Variants in LARS2 observed in about 807,000 individuals in gnomAD.
LARS2 encodes the protein leucyl-tRNA synthetase 2, mitochondrial.
LARS2 carries 81 observed loss-of-function variants against 116.6 expected under a neutral mutation model. The ratio of observed to expected loss-of-function variants is 0.69; its 90% CI spans 0.58 to 0.84. The LOEUF (loss-of-function observed/expected upper bound fraction) is 0.84. Ranked by LOEUF, LARS2 falls within the 40% of genes least tolerant of loss-of-function variation. LARS2 has a pLI of 0.00. For missense variants in LARS2, 968 were observed against 1,114.5 expected (o/e 0.87, Z 1.87); for synonymous variants, 396 against 407.2 (o/e 0.97, Z 0.33).
At position 45,507,979 on chromosome 3, in the gene LARS2, TGAAA is replaced by T. The variant is rs1700223974; in HGVS notation, c.1761-5153_1761-5150del. Among the ~76,000 whole-genome samples the T allele has an allele frequency of 1.3e-5, 2 of 152,036 alleles. 1 individual carries two copies. The highest frequency in any genetic ancestry group is 2.9e-5 in the Non-Finnish European group (2 of 67,964). ...CTCCTTCCGGTGGTTAGCACCAGGT[TGAAA>T]GAGAGGGGGCACATTAGAGCGTGGG... is the stretch of plus-strand genomic sequence containing the variant. On this transcript the variant is annotated intron_variant, in intron 15 of 21. Transcript: ENST00000645846.
At chr3:45,492,427 T>C (rs1699937000) in intron 13 of LARS2, among the ~76,000 whole-genome samples, 1 of 152,260 alleles carries the variant, frequency 6.6e-6, no homozygotes, top group South Asian at 2.1e-4. Context: ...CAAGTTCCAG[T>C]ATTTTCCTTC....
intron 6 of LARS2, 49 bp from the exon 7 acceptor site, chr3:45,446,842 G>A (rs765532461): frequency 9.1e-7 from 1 of 1,102,516 alleles, no homozygotes; most frequent in East Asian, 2.5e-5. Flanking sequence ...TGCATGGCTG[G>A]GGGGATGTTT....
chr3:45,540,436 C>G (rs572677002), intron 20 of LARS2, among the ~76,000 whole-genome samples: 9 of 152,160 alleles, frequency 5.9e-5, no homozygotes, highest in Non-Finnish European at 1.3e-4. Flanking sequence ...AATTGACTCC[C>G]TCTGTCACAA....
intron 19 of LARS2, among the ~76,000 whole-genome samples, chr3:45,522,294 G>A (rs1161032527): frequency 3.3e-5 from 5 of 152,132 alleles, no homozygotes; most frequent in East Asian, 1.9e-4. Context: ...ACAGAGACTC[G>A]GAACCCCAGT....
chr3:45,500,682 C>T, intron 15 of LARS2, 103 bp downstream of exon 15: 2 of 808,156 alleles, frequency 2.5e-6, no homozygotes, highest in Non-Finnish European at 3.8e-6. Context: ...TAGTAGAATA[C>T]TAGTTTTCTA....
intron 10 of LARS2, among the ~76,000 whole-genome samples, 186 bp downstream of exon 10, chr3:45,476,813 C>T (rs888974785): frequency 6.6e-6 from 1 of 152,094 alleles, no homozygotes; most frequent in African/African-American, 2.4e-5. Context: ...ATTTTTATTA[C>T]CTCTGGTTTC....
chr3:45,423,258 G>A (rs1698542500), intron 6 of LARS2, among the ~76,000 whole-genome samples: 1 of 152,056 alleles, frequency 6.6e-6, no homozygotes, highest in Admixed American at 6.6e-5. Flanking sequence ...GTTTTTTGTT[G>A]TTGGTTTTTA....
rs995971142 is a variant in LARS2, at chr3:45,519,809, G to A, written c.2215-410G>A. ...ATTACAGGTATGCGCCACCACACCC[G>A]GCTAATTTTTTGTATTTTTGTAGAA... On this transcript the variant is annotated intron_variant, in intron 18 of 21. Transcript: ENST00000645846. 1.2e-4 allele frequency: 20 copies of A among 168,224 alleles called. No homozygotes were observed. The East Asian group carries it at 1.5e-3, about 12-fold the overall frequency. 10.4% of individuals were successfully genotyped at this position (168,224 alleles called of 1,614,324 possible). A position where few individuals can be genotyped will look rare whatever the true frequency, so the allele number is the denominator to read the frequency against.
intron 15 of LARS2, among the ~76,000 whole-genome samples, chr3:45,505,838 A>G (rs1306695427): frequency 6.6e-6 from 1 of 152,118 alleles, no homozygotes; most frequent in Non-Finnish European, 1.5e-5. Context: ...AAATTATTCA[A>G]TGGCCAAGTA....
Position 45,497,644 on chromosome 3 carries a change from C to T in LARS2, c.1622+1271C>T, listed in dbSNP as rs138807455. ...GATCCTTGTCAGGCATGGTGGCTCA[C>T]GCCTGTAATTCCAGCGCTTTGGGAG... On this transcript the variant is annotated intron_variant, in intron 14 of 21. Transcript: ENST00000645846. Among the ~76,000 whole-genome samples, 447 of 152,264 alleles carry T rather than the reference C, an allele frequency of 2.9e-3. 2 individuals carry two copies. The highest frequency in any genetic ancestry group is 0.01 in the African/African-American group (431 of 41,556).
At chr3:45,406,565 T>A (rs1698234685) in intron 4 of LARS2, among the ~76,000 whole-genome samples, 1 of 151,988 alleles carries the variant, frequency 6.6e-6, no homozygotes, top group African/African-American at 2.4e-5. Flanking sequence ...GGGCAGGTGG[T>A]TTGGGGGTGA....
chr3:45,547,721 C>A lies in LARS2; in HGVS notation c.*191C>A. 1.8e-6 allele frequency: 1 copy of A among 543,200 alleles called. No individual in the cohort carries two copies. Among genetic ancestry groups the A allele is most frequent in the Non-Finnish European group, 3.2e-6 (1 of 313,176 alleles). 33.6% of individuals were successfully genotyped at this position (543,200 alleles called of 1,614,324 possible). On this transcript the variant is annotated 3_prime_UTR_variant, in exon 22 of 22. Coordinates refer to ENST00000645846, the MANE Select transcript of LARS2 (RefSeq NM_015340.4). ...GGCCTGGTGCTGGGGTGAAGGTGAG[C>A]TGGGCAAAGGAGAAATATGAGCTAC... is the stretch of plus-strand genomic sequence containing the variant.
chr3:45,432,585 GA>G (rs750290928), intron 6 of LARS2, among the ~76,000 whole-genome samples: 92 of 152,056 alleles, frequency 6.1e-4, no homozygotes, highest in Non-Finnish European at 1.1e-3. Flanking sequence ...AAAATACCTA[GA>G]GATGAATGAA....
rs567308219 is a variant in LARS2 at position 45,404,882 on chromosome 3, C to T, written c.363+4509C>T. Among the ~76,000 whole-genome samples, 12 of 152,212 alleles carry T rather than the reference C, an allele frequency of 7.9e-5. 1 individual carries two copies. The South Asian group carries it at 1.0e-3, about 13-fold the overall frequency. ...GATTACAGGTGTGAGCCACTGTGTC[C>T]GGCCAGTCCTTGCTATTTTTCAAAG... On this transcript the variant is annotated intron_variant, in intron 4 of 21. Coordinates refer to ENST00000645846, the MANE Select transcript of LARS2 (RefSeq NM_015340.4).
intron 7 of LARS2, among the ~76,000 whole-genome samples, chr3:45,449,637 T>C (rs756032034): frequency 6.6e-6 from 1 of 152,174 alleles, no homozygotes; most frequent in Non-Finnish European, 1.5e-5. Context: ...GGGGGACACA[T>C]TCAGACCATA....
At chr3:45,540,564 G>A (rs1700776303) in intron 20 of LARS2, among the ~76,000 whole-genome samples, 1 of 152,174 alleles carries the variant, frequency 6.6e-6, no homozygotes, top group South Asian at 2.1e-4. Context: ...CACCACCAGT[G>A]GAAAAGCTAT....
chr3:45,412,544 G>A (rs577079585), intron 4 of LARS2, among the ~76,000 whole-genome samples: 1 of 152,166 alleles, frequency 6.6e-6, no homozygotes, highest in Non-Finnish European at 1.5e-5. Context: ...GTTAAATTAA[G>A]CTTGTATTAC....
chr3:45,399,905 T>G lies in LARS2; in HGVS notation c.235-340T>G, dbSNP rs147090571. On this transcript the variant is annotated intron_variant, in intron 3 of 21. Coordinates refer to ENST00000645846, the MANE Select transcript of LARS2 (RefSeq NM_015340.4). ...GTTTGGTTTTCCATTCCTGAGTTAC[T>G]TCATTTAGAATAATAGTCTCCAATC... Among the ~76,000 whole-genome samples, 1,339 of 152,206 alleles carry G rather than the reference T, an allele frequency of 8.8e-3. 22 individuals carry two copies. The highest frequency in any genetic ancestry group is 0.031 in the South Asian group (151 of 4,822).
chr3:45,479,470 C>T (rs1453013770), intron 10 of LARS2, among the ~76,000 whole-genome samples: 1 of 152,104 alleles, frequency 6.6e-6, no homozygotes, highest in Admixed American at 6.5e-5. Flanking sequence ...CTGTGGAAGG[C>T]TGCGAGGGTG....
Sources: gnomAD v4.1 joint callset for allele counts (sites outside exome capture counted in the v4.1 genomes callset) on GRCh38, gnomAD v4.1.1 for gene constraint, MANE v1.5 for transcripts, NCBI Gene and HGNC (gene_info 2026-07-23, HGNC 2026-07-21) for gene names.